ABLIM3: variants seen among roughly 807,000 people sequenced by gnomAD.
The protein encoded by ABLIM3 is actin binding LIM protein family member 3, also known as actin-binding LIM protein 3.
A neutral mutation model predicts 109.5 loss-of-function variants in ABLIM3; 61 were observed. The observed-to-expected ratio is 0.56, with a 90% CI of 0.45 to 0.69. The LOEUF (loss-of-function observed/expected upper bound fraction) is 0.69, where lower values mean the gene tolerates loss of function less well. Among genes scored for constraint, ABLIM3 ranks in the 30% least tolerant of loss-of-function variants. The pLI is 0.00. For missense variants in ABLIM3, 796 were observed against 889.5 expected, an observed-to-expected ratio of 0.89 and a Z score of 1.34; for synonymous variants, 300 against 324.8, an observed-to-expected ratio of 0.92 and a Z score of 0.82.
chr5:149,246,345 C>A, intron 16 of ABLIM3, 137 bp from the exon 17 acceptor site: 1 of 818,434 alleles, frequency 1.2e-6, no homozygotes, highest in Non-Finnish European at 1.9e-6. Context: ...TGGGGCTTAG[C>A]TTAAACGAGA....
intron 8 of ABLIM3, among the ~76,000 whole-genome samples, chr5:149,226,255 G>A (rs1194459127): frequency 1.3e-5 from 2 of 151,826 alleles, no homozygotes; most frequent in Non-Finnish European, 2.9e-5. Flanking sequence ...GAAGACTGAG[G>A]AGGGTGGATC....
intron 5 of ABLIM3, 75 bp downstream of exon 5, chr5:149,200,503 C>G: frequency 2.7e-6 from 4 of 1,479,184 alleles, no homozygotes; most frequent in Non-Finnish European, 3.8e-6. Flanking sequence ...GCACTGCCAA[C>G]TGCTCCCACG....
At chr5:149,149,563 G>A (rs1753240974) in intron 2 of ABLIM3, among the ~76,000 whole-genome samples, 1 of 152,180 alleles carries the variant, frequency 6.6e-6, no homozygotes, top group Non-Finnish European at 1.5e-5. Flanking sequence ...AAAAAGGGAA[G>A]ACAGGAAGTT....
chr5:149,198,197 G>C lies in ABLIM3; in HGVS notation c.152-22G>C, dbSNP rs375384469. On this transcript the variant is annotated intron_variant, in intron 3 of 23. Coordinates refer to ENST00000309868, the MANE Select transcript of ABLIM3 (RefSeq NM_014945.5). The surrounding 1 kb of genome is among the most constrained non-coding windows in gnomAD (Gnocchi z 4.2). The stretch of plus-strand genomic sequence containing the variant: ...CCCTCCCTGGACTCAACCTGCCCTT[G>C]TTTTCCTCCTTGTTCCCCAAGTATG... The C allele has an allele frequency of 1.9e-6, 3 of 1,600,418 alleles. No homozygotes were observed. The highest frequency in any genetic ancestry group is 1.3e-5 in the African/African-American group (1 of 74,538).
Position 149,168,555 on chromosome 5 carries a change from A to G in ABLIM3, c.14-14897A>G, listed in dbSNP as rs116537362. Among the ~76,000 whole-genome samples, 973 of 152,276 alleles carry G rather than the reference A, an allele frequency of 6.4e-3. 14 individuals carry two copies. Among genetic ancestry groups the G allele is most frequent in the African/African-American group, 0.022 (894 of 41,556 alleles). ...AGATGGCTTTAATAACAGACCAAAA[A>G]CAGCTCTTCCTAAAAGGAACAACAA... On this transcript the variant is annotated intron_variant, in intron 2 of 23. Coordinates refer to ENST00000309868, the MANE Select transcript of ABLIM3 (RefSeq NM_014945.5).
intron 7 of ABLIM3, among the ~76,000 whole-genome samples, chr5:149,212,575 C>G (rs1759674128): frequency 6.6e-6 from 1 of 152,242 alleles, no homozygotes; most frequent in Admixed American, 6.5e-5. Flanking sequence ...GGGAAGCCAC[C>G]CTTGTGCCCA....
rs762472416 is a variant in ABLIM3 at position 149,237,511 on chromosome 5, A to G, written c.952A>G (p.Ile318Val). ...DLAALPKVKS[I>V]YEVQRPDLIS... ...GGCGGCTCTCCCCAAGGTTAAGTCT[A>G]TCTACGAGGTACAACGCCCCGACCT... Residue 318 changes from isoleucine to valine, a missense_variant, in exon 11 of 24, where the codon ATC (isoleucine) becomes GTC (valine). Coordinates refer to ENST00000309868, the MANE Select transcript of ABLIM3 (RefSeq NM_014945.5). The G allele has an allele frequency of 1.9e-6, 3 of 1,614,120 alleles. No individual in the cohort carries two copies. Among genetic ancestry groups the G allele is most frequent in the Admixed American group, 3.3e-5 (2 of 60,024 alleles).
intron 8 of ABLIM3, chr5:149,218,262 G>A (rs1760294723): frequency 6.6e-6 from 1 of 152,274 alleles, no homozygotes; most frequent in Non-Finnish European, 1.5e-5. Context: ...CACTTTCTCA[G>A]AGATGGCACC....
chr5:149,157,341 C>G (rs894384874), intron 2 of ABLIM3, among the ~76,000 whole-genome samples: 2 of 152,168 alleles, frequency 1.3e-5, no homozygotes, highest in African/African-American at 4.8e-5. Flanking sequence ...AGCAAATCCT[C>G]CCCCTTTGCT....
chr5:149,252,151 A>G, intron 21 of ABLIM3, 50 bp from the exon 22 acceptor site: 2 of 1,611,686 alleles, frequency 1.2e-6, no homozygotes, highest in South Asian at 1.1e-5. Flanking sequence ...GATGCAAAGC[A>G]AAGACTGATG....
chr5:149,163,439 G>A lies in ABLIM3; in HGVS notation c.14-20013G>A, dbSNP rs1040802517. On this transcript the variant is annotated intron_variant, in intron 2 of 23. Coordinates refer to ENST00000309868, the MANE Select transcript of ABLIM3 (RefSeq NM_014945.5). The stretch of plus-strand genomic sequence containing the variant: ...AGCTGCATAACAAAATACCACACAC[G>A]GGGTGGCTTAAACAATAGGAATTTA... Among the ~76,000 whole-genome samples, 10 of 152,028 alleles carry A rather than the reference G, an allele frequency of 6.6e-5. No homozygotes were observed. In the East Asian group the frequency reaches 1.2e-3, roughly 18 times the overall value.
chr5:149,144,239 T>A (rs967611926), intron 2 of ABLIM3, among the ~76,000 whole-genome samples: 1 of 152,052 alleles, frequency 6.6e-6, no homozygotes, highest in East Asian at 1.9e-4. Context: ...GCCCTCCGGG[T>A]TCCCCCCAGG....
intron 2 of ABLIM3, among the ~76,000 whole-genome samples, chr5:149,158,968 C>T (rs1053587896): frequency 8.5e-5 from 13 of 152,286 alleles, no homozygotes; most frequent in Middle Eastern, 3.4e-3. Context: ...AAAACTGATA[C>T]AGTTTTATAA....
chr5:149,155,914 C>G (rs1487087602), intron 2 of ABLIM3, among the ~76,000 whole-genome samples: 1 of 152,148 alleles, frequency 6.6e-6, no homozygotes, highest in Non-Finnish European at 1.5e-5. Context: ...GGTTTGGAGC[C>G]CAGTAGTGAC....
In ABLIM3 at chr5:149,216,872, T is replaced by C. The variant is rs559922303; in HGVS notation, c.670-87T>C. 7.6e-6 allele frequency: 9 copies of C among 1,189,462 alleles called. No homozygotes were observed. In the South Asian group the frequency reaches 7.7e-5, roughly 10 times the overall value. The allele number at this position is 1,189,462 out of a possible 1,614,324, so 73.7% of individuals were successfully genotyped here. ...GCCATGAAGATGCAAACAACACTAA[T>C]GTACCCAGGAAAGATTCAAACCCAA... On this transcript the variant is annotated intron_variant, in intron 7 of 23. Coordinates refer to ENST00000309868, the MANE Select transcript of ABLIM3 (RefSeq NM_014945.5).
chr5:149,161,165 T>A (rs1207616474), intron 2 of ABLIM3, among the ~76,000 whole-genome samples: 1 of 152,222 alleles, frequency 6.6e-6, no homozygotes, highest in East Asian at 1.9e-4. Flanking sequence ...ACAGCTCATC[T>A]GCCCGCGGGA....
At chr5:149,186,895 A>G (rs2127480172) in intron 3 of ABLIM3, among the ~76,000 whole-genome samples, 1 of 152,286 alleles carries the variant, frequency 6.6e-6, no homozygotes, top group East Asian at 1.9e-4. Flanking sequence ...GAAGATTTGA[A>G]AAGGAAACAA....
chr5:149,164,312 A>T (rs865797739), intron 2 of ABLIM3: 1 of 152,264 alleles, frequency 6.6e-6, no homozygotes. Context: ...TCCTCAGCTC[A>T]CCCCATAGGT....
intron 2 of ABLIM3, among the ~76,000 whole-genome samples, chr5:149,148,142 G>T (rs965162654): frequency 2.0e-5 from 3 of 152,172 alleles, no homozygotes; most frequent in Non-Finnish European, 4.4e-5. Context: ...AAAATGCTTA[G>T]ATTACAAAAA....
Sources: gnomAD v4.1 joint callset for allele counts (sites outside exome capture counted in the v4.1 genomes callset) on GRCh38, gnomAD v4.1.1 for gene constraint, Gnocchi (gnomAD v3.1) non-coding constraint, MANE v1.5 for transcripts, NCBI Gene and HGNC (gene_info 2026-07-23, HGNC 2026-07-21) for gene names.